Variants in NAA16 observed in about 807,000 individuals in gnomAD.
NAA16 encodes N-alpha-acetyltransferase 16, NatA auxiliary subunit.
In NAA16, 97 loss-of-function variants were observed where a neutral mutation model predicts 110.3. The ratio of observed to expected loss-of-function variants is 0.88; its 90% CI spans 0.75 to 1.04. NAA16 has a LOEUF of 1.04. Among genes scored for constraint, NAA16 ranks in the 50% least tolerant of loss-of-function variants. NAA16 has a pLI of 0.00. For synonymous variants in NAA16, 372 were observed against 330.6 expected, an observed-to-expected ratio of 1.13 and a Z score of -1.36; for missense variants, 1,017 against 1,005.1, an observed-to-expected ratio of 1.01 and a Z score of -0.16.
At chr13:41,373,271 T>C in intron 17 of NAA16, 1 of 768,904 alleles carries the variant, frequency 1.3e-6, no homozygotes, top group Non-Finnish European at 1.6e-6. Context: ...TTTTTGTTTT[T>C]TTTTTTGAGA....
chr13:41,341,218 TGTATATA>T (rs2042536676), intron 9 of NAA16, among the ~76,000 whole-genome samples: 1 of 152,196 alleles, frequency 6.6e-6, no homozygotes, highest in Admixed American at 6.5e-5. Context: ...TTTAGGTTGC[TGTATATA>T]GCATAGAGAT....
At chr13:41,375,267 T>C in intron 19 of NAA16, 138 bp from the exon 20 acceptor site, 1 of 595,668 alleles carries the variant, frequency 1.7e-6, no homozygotes, top group Non-Finnish European at 2.9e-6. Context: ...GGTGATTGCT[T>C]ACTGTGTAGA....
At chr13:41,343,542 G>C (rs188026788) in intron 9 of NAA16, among the ~76,000 whole-genome samples, 2 of 151,640 alleles carry the variant, frequency 1.3e-5, no homozygotes, top group Admixed American at 1.3e-4. Flanking sequence ...TTTTGTTTTT[G>C]GTTTTTTTGT....
rs372206501 is a variant in NAA16, at chr13:41,331,389, T to C, written c.907+20T>C. On this transcript the variant is annotated intron_variant, in intron 8 of 19. Coordinates refer to ENST00000379406, the MANE Select transcript of NAA16 (RefSeq NM_024561.5). Reference sequence around the variant, plus strand: ...TCCCAGGTAATATTAAGATGTCTTTTATAATATTAATTATTTGTCAGAATT... The same window carrying C: ...TCCCAGGTAATATTAAGATGTCTTTCATAATATTAATTATTTGTCAGAATT... 6.4e-5 allele frequency: 91 copies of C among 1,430,068 alleles called. No homozygotes were observed. Among genetic ancestry groups the C allele is most frequent in the Non-Finnish European group, 8.6e-5 (88 of 1,024,820 alleles). The allele number at this position is 1,430,068 out of a possible 1,614,324, so 88.6% of individuals were successfully genotyped here.
intron 17 of NAA16, 124 bp from the exon 18 acceptor site, chr13:41,373,513 C>G: frequency 4.3e-6 from 5 of 1,153,488 alleles, no homozygotes; most frequent in Non-Finnish European, 5.6e-6. Flanking sequence ...CTGCCTCAGC[C>G]TCCCAAAGTG....
At chr13:41,348,500 A>G (rs2042743192) in intron 9 of NAA16, among the ~76,000 whole-genome samples, 1 of 152,168 alleles carries the variant, frequency 6.6e-6, no homozygotes, top group Admixed American at 6.5e-5. Flanking sequence ...GTGAAAGCCT[A>G]CTTGGTCATG....
rs774114765 is a variant in NAA16, at chr13:41,325,699, T to C, written c.539T>C (p.Val180Ala). The C allele has an allele frequency of 2.6e-6, 4 of 1,559,906 alleles. No homozygotes were observed. In the Admixed American group the frequency reaches 7.7e-5, roughly 30 times the overall value. The change falls in exon 6 of 20, where the codon GTT becomes GCT. Residue 180 changes from valine to alanine, a missense_variant and splice_region_variant. Coordinates refer to ENST00000379406, the MANE Select transcript of NAA16 (RefSeq NM_024561.5). Reference protein sequence around the residue: ...LLEEFRQTQQVPPNKIDYEYS... With the variant: ...LLEEFRQTQQAPPNKIDYEYS... ...AGTAATTTGGTCATTTTTTTTCAGG[T>C]TCCTCCAAACAAAATAGATTATGAA... is the stretch of plus-strand genomic sequence containing the variant.
Position 41,319,784 on chromosome 13 carries a change from T to G in NAA16, c.244+874T>G, listed in dbSNP as rs143256184. 8.1e-3 allele frequency among the ~76,000 whole-genome samples: 1,234 copies of G among 152,218 alleles called. 17 individuals are homozygous for G. The highest frequency in any genetic ancestry group is 0.028 in the African/African-American group (1,172 of 41,522). ...CACCCTCCTCGGCCTCCCAAAGTGC[T>G]GGGATTACAGGTGTGAGCCACCATG... On this transcript the variant is annotated intron_variant, in intron 3 of 19. Coordinates refer to ENST00000379406, the MANE Select transcript of NAA16 (RefSeq NM_024561.5).
At chr13:41,332,471 A>C (rs1405545580) in intron 8 of NAA16, among the ~76,000 whole-genome samples, 1 of 152,204 alleles carries the variant, frequency 6.6e-6, no homozygotes, top group Non-Finnish European at 1.5e-5. Context: ...TATGTAGCTG[A>C]ACTCATTTAC....
rs768829216 is a variant in NAA16, at chr13:41,372,182, T to A, written c.1948-21T>A. ...TTGTTCTGATGTTTTTTAAATAATTTTCCTTTCTGTTTCAAAATAGGTAGA... is the reference window on the plus strand; with the variant it reads ...TTGTTCTGATGTTTTTTAAATAATTATCCTTTCTGTTTCAAAATAGGTAGA... On this transcript the variant is annotated intron_variant, in intron 15 of 19. Coordinates refer to ENST00000379406, the MANE Select transcript of NAA16 (RefSeq NM_024561.5). 32 of 1,489,698 alleles carry A rather than the reference T, an allele frequency of 2.1e-5. 1 individual carries two copies. The Middle Eastern group carries it at 5.3e-4, about 25-fold the overall frequency. The allele number at this position is 1,489,698 out of a possible 1,614,324, so 92.3% of individuals were successfully genotyped here.
chr13:41,370,922 T>C (rs1429847542), intron 15 of NAA16, among the ~76,000 whole-genome samples: 2 of 152,156 alleles, frequency 1.3e-5, no homozygotes, highest in African/African-American at 4.8e-5. Flanking sequence ...CCATCATTGT[T>C]AACAGAAAAA....
At position 41,358,978 on chromosome 13, in the gene NAA16, C is replaced by T. The variant is rs777654498; in HGVS notation, c.1410+16C>T. 6.3e-7 allele frequency: 1 copy of T among 1,577,874 alleles called. No homozygotes were observed. Among genetic ancestry groups the T allele is most frequent in the East Asian group, 2.3e-5 (1 of 44,306 alleles). On this transcript the variant is annotated intron_variant, in intron 12 of 19. Coordinates refer to ENST00000379406, the MANE Select transcript of NAA16 (RefSeq NM_024561.5). ...GTTCACAAGGGTAGGAAATAGCATG[C>T]ATGAGCATGTAATTGTCTAAATTAA...
At chr13:41,361,707 G>A (rs1396079176) in intron 12 of NAA16, among the ~76,000 whole-genome samples, 1 of 152,216 alleles carries the variant, frequency 6.6e-6, no homozygotes, top group Non-Finnish European at 1.5e-5. Flanking sequence ...CACGTTCCGG[G>A]TGGGATAGAG....
intron 9 of NAA16, among the ~76,000 whole-genome samples, chr13:41,352,800 T>A (rs973120624): frequency 1.3e-5 from 2 of 152,216 alleles, no homozygotes; most frequent in African/African-American, 4.8e-5. Context: ...TAATCAGATC[T>A]TGTTTTGAAG....
chr13:41,374,224 T>C (rs1213322882), intron 18 of NAA16, among the ~76,000 whole-genome samples: 1 of 151,876 alleles, frequency 6.6e-6, no homozygotes, highest in East Asian at 1.9e-4. Context: ...ATAGGAGAAA[T>C]ATAAACTGTG....
chr13:41,359,448 A>T (rs1197231317), intron 12 of NAA16, among the ~76,000 whole-genome samples: 1 of 152,120 alleles, frequency 6.6e-6, no homozygotes, highest in Non-Finnish European at 1.5e-5. Flanking sequence ...CCATCCCTTT[A>T]TATCCTTTTC....
Position 41,355,150 on chromosome 13 carries a change from A to T in NAA16, c.1021A>T (p.Ile341Leu). Residue 341 changes from isoleucine to leucine, a missense_variant, in exon 10 of 20, where the codon ATA becomes TTA. By Grantham distance (5) the Ile-to-Leu change is conservative (BLOSUM62 2). Coordinates refer to ENST00000379406, the MANE Select transcript of NAA16 (RefSeq NM_024561.5). The part of the protein sequence containing the change: ...SLYYNTEKVS[I>L]IQELVTNYEA... ...AAATATGTTTCTTTAACAGGTTTCTATAATCCAGGAACTTGTTACTAATTA... is the reference window on the plus strand; with the variant it reads ...AAATATGTTTCTTTAACAGGTTTCTTTAATCCAGGAACTTGTTACTAATTA... The T allele has an allele frequency of 3.2e-6, 5 of 1,570,454 alleles. No homozygotes were observed. Among genetic ancestry groups the T allele is most frequent in the Non-Finnish European group, 4.3e-6 (5 of 1,154,744 alleles).
chr13:41,328,126 T>G (rs1439059855), intron 6 of NAA16: 1 of 152,096 alleles, frequency 6.6e-6, no homozygotes, highest in African/African-American at 2.4e-5. Context: ...GTCTGGGACC[T>G]CATTTTCCAC....
At chr13:41,334,267 A>G (rs1338744919) in intron 8 of NAA16, among the ~76,000 whole-genome samples, 1 of 152,186 alleles carries the variant, frequency 6.6e-6, no homozygotes, top group Non-Finnish European at 1.5e-5. Flanking sequence ...CTACAGAACA[A>G]TAAGGAAATT....
Sources: allele counts gnomAD v4.1 joint callset (sites outside exome capture counted in the v4.1 genomes callset), GRCh38; gene constraint gnomAD v4.1.1; transcripts MANE v1.5; gene names NCBI Gene and HGNC (gene_info 2026-07-23, HGNC 2026-07-21).